Variants in KHDRBS1 observed in about 807,000 individuals in gnomAD.
The protein encoded by KHDRBS1 is KH RNA binding domain containing, signal transduction associated 1, also known as KH domain-containing, RNA-binding, signal transduction-associated protein 1.
In KHDRBS1, 7 loss-of-function variants were observed where a neutral mutation model predicts 48.4. That is an observed-to-expected ratio of 0.14 (90% CI 0.08 to 0.27). KHDRBS1 has a LOEUF of 0.27. Among genes scored for constraint, KHDRBS1 ranks in the 10% least tolerant of loss-of-function variants. The pLI is 1.00. For synonymous variants in KHDRBS1, 241 were observed against 235.8 expected (o/e 1.02, Z -0.20); for missense variants, 458 against 601.2 (o/e 0.76, Z 2.49).
intron 1 of KHDRBS1, among the ~76,000 whole-genome samples, chr1:32,026,974 T>C (rs1029821733): frequency 6.6e-6 from 1 of 152,186 alleles, no homozygotes; most frequent in African/African-American, 2.4e-5. Flanking sequence ...TTTATATTTT[T>C]AGTAGAGACG....
At chr1:32,016,751 G>C (rs1436277268) in intron 1 of KHDRBS1, among the ~76,000 whole-genome samples, 2 of 152,060 alleles carry the variant, frequency 1.3e-5, no homozygotes, top group Non-Finnish European at 2.9e-5. Context: ...ATCAGCATCT[G>C]TTGCACTATA....
intron 1 of KHDRBS1, among the ~76,000 whole-genome samples, 158 bp downstream of exon 1, chr1:32,014,535 TC>T (rs923141406): frequency 6.6e-6 from 1 of 152,182 alleles, no homozygotes; most frequent in African/African-American, 2.4e-5. Flanking sequence ...CATTCCCACC[TC>T]AGCCCGGAGT....
At chr1:32,050,944 G>A (rs1409095946) in intron 10 of KHDRBS1, among the ~76,000 whole-genome samples, 2 of 152,116 alleles carry the variant, frequency 1.3e-5, no homozygotes, top group African/African-American at 4.8e-5. Context: ...AGGCTGGAGT[G>A]CAGTGGCTCA....
intron 4 of KHDRBS1, 55 bp downstream of exon 4, chr1:32,033,389 C>T: frequency 6.2e-7 from 1 of 1,603,888 alleles, no homozygotes. Flanking sequence ...GGATCTTATA[C>T]TGTTGTGAAG....
intron 10 of KHDRBS1, among the ~76,000 whole-genome samples, chr1:32,053,938 G>T (rs1639450997): frequency 6.6e-6 from 1 of 152,082 alleles, no homozygotes; most frequent in Non-Finnish European, 1.5e-5. Flanking sequence ...CAAAAAATTA[G>T]CTGGGCGTGG....
At position 32,042,947 on chromosome 1, in the gene KHDRBS1, A is replaced by C. The variant is rs758787826; in HGVS notation, c.*323A>C. 1.7e-4 allele frequency: 28 copies of C among 167,014 alleles called. No individual in the cohort carries two copies. The highest frequency in any genetic ancestry group is 3.0e-4 in the Non-Finnish European group (23 of 77,762). 10.3% of individuals were successfully genotyped at this position (167,014 alleles called of 1,614,324 possible). A position where few individuals can be genotyped will look rare whatever the true frequency, so the allele number is the denominator to read the frequency against. ...AAAAGAAGTTGAGTAAAAAAAAAAA[A>C]CACACAAACCTGTTAGTTTCAAAAA... On this transcript the variant is annotated 3_prime_UTR_variant, in exon 9 of 9. Coordinates refer to ENST00000327300, the MANE Select transcript of KHDRBS1 (RefSeq NM_006559.3).
At chr1:32,054,295 G>T (rs538458708) in intron 10 of KHDRBS1, among the ~76,000 whole-genome samples, 12 of 152,188 alleles carry the variant, frequency 7.9e-5, no homozygotes, top group African/African-American at 2.6e-4. Context: ...AGGGAAGGAA[G>T]CCTTCTATAA....
chr1:32,036,115 A>T, intron 4 of KHDRBS1, among the ~76,000 whole-genome samples: 1 of 150,738 alleles, frequency 6.6e-6, no homozygotes, highest in East Asian at 1.9e-4. Context: ...TGTTTTCTTA[A>T]CTGTAAAATG....
rs374736235 is a variant in KHDRBS1, at chr1:32,016,279, C to G, written c.382+1902C>G. Among the ~76,000 whole-genome samples the G allele has an allele frequency of 3.3e-5, 5 of 151,770 alleles. No homozygotes were observed. In the East Asian group the frequency reaches 7.7e-4, roughly 23 times the overall value. ...GAGCACTTTACATTAAATATTTAAC[C>G]TATAAAATGAAATGAGAACTTACTT... On this transcript the variant is annotated intron_variant, in intron 1 of 8. Coordinates refer to ENST00000327300, the MANE Select transcript of KHDRBS1 (RefSeq NM_006559.3).
chr1:32,033,481 C>T (rs188343306), intron 4 of KHDRBS1, 147 bp downstream of exon 4: 7 of 1,043,678 alleles, frequency 6.7e-6, no homozygotes, highest in South Asian at 1.9e-5. Context: ...TTAGGTAGTT[C>T]GTTACTTGCA....
downstream of KHDRBS1, among the ~76,000 whole-genome samples, chr1:32,047,753 T>C (rs1437248633): frequency 1.3e-5 from 2 of 152,210 alleles, no homozygotes; most frequent in Non-Finnish European, 2.9e-5. Context: ...TACAATGCAG[T>C]AGTTTTTAGT....
In KHDRBS1 at chr1:32,043,605, T is replaced by G. The variant is rs1370086086; in HGVS notation, c.*981T>G. On this transcript the variant is annotated 3_prime_UTR_variant, in exon 9 of 9. Coordinates refer to ENST00000327300, the MANE Select transcript of KHDRBS1 (RefSeq NM_006559.3). Reference sequence around the variant, plus strand: ...CCAAAAGCTGTTGATTTTCTTAAGTTGACGGTTGTCAATATATCGAACTGT... The same window carrying G: ...CCAAAAGCTGTTGATTTTCTTAAGTGGACGGTTGTCAATATATCGAACTGT... The G allele has an allele frequency of 6.5e-6, 1 of 152,674 alleles. No individual in the cohort carries two copies. The highest frequency in any genetic ancestry group is 1.5e-5 in the Non-Finnish European group (1 of 68,048). The allele number at this position is 152,674 out of a possible 1,614,324, so 9.5% of individuals were successfully genotyped here. A position where few individuals can be genotyped will look rare whatever the true frequency, so the allele number is the denominator to read the frequency against.
chr1:32,040,206 G>C lies in KHDRBS1; in HGVS notation c.1234+633G>C, dbSNP rs563934947. Among the ~76,000 whole-genome samples the C allele has an allele frequency of 2.6e-5, 4 of 152,236 alleles. No individual in the cohort carries two copies. In the East Asian group the frequency reaches 5.8e-4, roughly 22 times the overall value. The stretch of plus-strand genomic sequence containing the variant: ...AGGCAGGCGGATCACCTGTGGTCAG[G>C]AGTTCGAGACCAGCCTGGCCAAGAT... On this transcript the variant is annotated intron_variant, in intron 8 of 8. Transcript: ENST00000327300.
At chr1:32,053,246 G>A (rs1639444438) in intron 10 of KHDRBS1, among the ~76,000 whole-genome samples, 1 of 152,214 alleles carries the variant, frequency 6.6e-6, no homozygotes, top group African/African-American at 2.4e-5. Flanking sequence ...GGAGCCTGGA[G>A]GAGCTGCCTG....
In KHDRBS1 at chr1:32,014,025, C is replaced by G; in HGVS notation, c.30C>G (p.Arg10=). 2.0e-6 allele frequency: 3 copies of G among 1,528,758 alleles called. No homozygotes were observed. The highest frequency in any genetic ancestry group is 2.6e-6 in the Non-Finnish European group (3 of 1,149,570). The allele number at this position is 1,528,758 out of a possible 1,614,324, so 94.7% of individuals were successfully genotyped here. Residue 10 remains arginine, a synonymous_variant, in exon 1 of 9, where the codon CGC becomes CGG. Coordinates refer to ENST00000327300, the MANE Select transcript of KHDRBS1 (RefSeq NM_006559.3). ...AGCGCCGGGACGACCCCGCCGCGCG[C>G]ATGAGCCGGTCTTCGGGCCGTAGCG... The part of the protein sequence containing the change: MQRRDDPAA[R]MSRSSGRSGS...
downstream of KHDRBS1, chr1:32,044,032 A>T (rs1639327998): frequency 6.6e-6 from 1 of 152,310 alleles, no homozygotes. Flanking sequence ...TTACCAAAAA[A>T]AAGTTGATGG....
intron 1 of KHDRBS1, among the ~76,000 whole-genome samples, chr1:32,027,924 C>G (rs1030338786): frequency 2.0e-5 from 3 of 152,138 alleles, no homozygotes; most frequent in Non-Finnish European, 4.4e-5. Flanking sequence ...ACCAGCCCAG[C>G]CAACATGGTG....
chr1:32,038,449 C>A lies in KHDRBS1; in HGVS notation c.1108-103C>A, dbSNP rs185491697. On this transcript the variant is annotated intron_variant, in intron 6 of 8. Transcript: ENST00000327300. ...AACATTTTGGAGGGAAATGTCATGT[C>A]CTTTTAATTCAGAAGCCTACTTACT... 1.1e-4 allele frequency: 128 copies of A among 1,114,626 alleles called. No homozygotes were observed. The East Asian group carries it at 3.2e-3, about 28-fold the overall frequency. 69.0% of individuals were successfully genotyped at this position (1,114,626 alleles called of 1,614,324 possible).
At chr1:32,055,305 G>A (rs776069083) in intron 10 of KHDRBS1, among the ~76,000 whole-genome samples, 4 of 152,068 alleles carry the variant, frequency 2.6e-5, no homozygotes, top group Non-Finnish European at 2.9e-5. Flanking sequence ...AAAATTAGCC[G>A]GACGTGGTGG....
Sources: gnomAD v4.1 joint callset for allele counts (sites outside exome capture counted in the v4.1 genomes callset) on GRCh38, gnomAD v4.1.1 for gene constraint, MANE v1.5 for transcripts, NCBI Gene and HGNC (gene_info 2026-07-23, HGNC 2026-07-21) for gene names.